ERCC8: variants seen among roughly 807,000 people sequenced by gnomAD.
ERCC8 encodes ERCC excision repair 8, CSA ubiquitin ligase complex subunit.
ERCC8 carries 52 observed loss-of-function variants against 54.9 expected under a neutral mutation model. That is an observed-to-expected ratio of 0.95 (90% confidence interval 0.76 to 1.19). ERCC8 has a LOEUF of 1.19. Ranked by LOEUF, ERCC8 falls within the 50% of genes most tolerant of loss-of-function variation. ERCC8 has a pLI of 0.00. For synonymous variants in ERCC8, 146 were observed against 157.2 expected (o/e 0.93, Z 0.53); for missense variants, 514 against 466.1 (o/e 1.10, Z -0.95).
chr5:60,889,305 A>C (rs1210381518), intron 10 of ERCC8, among the ~76,000 whole-genome samples: 1 of 152,188 alleles, frequency 6.6e-6, no homozygotes, highest in Non-Finnish European at 1.5e-5. Context: ...TCAATTTATT[A>C]ATTTACTTAC....
At chr5:60,937,131 C>G (rs970896006) in intron 1 of ERCC8, among the ~76,000 whole-genome samples, 2 of 152,226 alleles carry the variant, frequency 1.3e-5, no homozygotes, top group Admixed American at 6.5e-5. Context: ...TGTGATCTGT[C>G]TTCAGGTCTC....
At chr5:60,898,448 A>G (rs982307183) in intron 8 of ERCC8, 48 bp from the exon 9 acceptor site, 6 of 1,606,176 alleles carry the variant, frequency 3.7e-6, no homozygotes, top group Non-Finnish European at 5.1e-6. Flanking sequence ...TATTCAGGAC[A>G]TATTTAATGT....
chr5:60,899,586 A>C (rs1208709327), intron 8 of ERCC8, 41 bp downstream of exon 8: 3 of 1,437,358 alleles, frequency 2.1e-6, no homozygotes, highest in Non-Finnish European at 2.9e-6. Context: ...AATGTAAAAA[A>C]ATACTATCAT....
At chr5:60,922,798 T>C (rs1749637851) in intron 2 of ERCC8, among the ~76,000 whole-genome samples, 1 of 152,152 alleles carries the variant, frequency 6.6e-6, no homozygotes, top group African/African-American at 2.4e-5. Context: ...ATGGTTCCTG[T>C]CTTCGCAGAG....
intron 1 of ERCC8, among the ~76,000 whole-genome samples, chr5:60,930,923 A>G (rs866837449): frequency 1.3e-5 from 2 of 152,132 alleles, no homozygotes. Context: ...CCTGGCCAAC[A>G]TGGTGAAACC....
chr5:60,920,851 T>C (rs1749580572), intron 3 of ERCC8, among the ~76,000 whole-genome samples: 1 of 151,926 alleles, frequency 6.6e-6, no homozygotes. Context: ...ACTATTTTGC[T>C]ATGTAACAAA....
At chr5:60,893,637 C>T (rs1748634642) in intron 9 of ERCC8, 4 of 570,802 alleles carry the variant, frequency 7.0e-6, no homozygotes, top group South Asian at 4.2e-5. Context: ...ATACTTCCGG[C>T]GGGGATCTGA....
chr5:60,868,490 T>C lies in ERCC8; in HGVS notation c.*6125A>G, dbSNP rs1243228786. ...AACATAGTTCTTTAATTTTACCCCCTTCCTTTGAAATTTTAATTGTCTAAT... is the reference window on the plus strand; with the variant it reads ...AACATAGTTCTTTAATTTTACCCCCCTCCTTTGAAATTTTAATTGTCTAAT... On this transcript the variant is annotated 3_prime_UTR_variant, in exon 12 of 12. Transcript: ENST00000676185. 1.3e-5 allele frequency among the ~76,000 whole-genome samples: 2 copies of C among 152,158 alleles called. No individual in the cohort carries two copies. The highest frequency in any genetic ancestry group is 4.8e-5 in the African/African-American group (2 of 41,460).
At chr5:60,890,592 A>G (rs1322969341) in intron 10 of ERCC8, among the ~76,000 whole-genome samples, 3 of 152,198 alleles carry the variant, frequency 2.0e-5, no homozygotes, top group East Asian at 3.8e-4. Context: ...TACCCAAAAG[A>G]TTGTTTCAAG....
rs1747929137 is a variant in ERCC8 at position 60,874,190 on chromosome 5, G to C, written c.*425C>G. ...TGTTACCATTTCAACTACTATTTTTGATATAATCATTCTTGGCAAAATCAT... is the reference window on the plus strand; with the variant it reads ...TGTTACCATTTCAACTACTATTTTTCATATAATCATTCTTGGCAAAATCAT... On this transcript the variant is annotated 3_prime_UTR_variant, in exon 12 of 12. Coordinates refer to ENST00000676185, the MANE Select transcript of ERCC8 (RefSeq NM_000082.4). 6.4e-6 allele frequency: 1 copy of C among 155,056 alleles called. No homozygotes were observed. Among genetic ancestry groups the C allele is most frequent in the Non-Finnish European group, 1.4e-5 (1 of 70,056 alleles). 9.6% of individuals were successfully genotyped at this position (155,056 alleles called of 1,614,324 possible).
chr5:60,878,164 C>G (rs561599360), intron 11 of ERCC8, among the ~76,000 whole-genome samples: 38 of 151,102 alleles, frequency 2.5e-4, no homozygotes, highest in African/African-American at 8.9e-4. Context: ...TTTATATGCT[C>G]GATTACGTTT....
chr5:60,898,147 T>C (rs2112485696), intron 9 of ERCC8, 129 bp downstream of exon 9: 1 of 1,062,352 alleles, frequency 9.4e-7, no homozygotes, highest in Non-Finnish European at 1.4e-6. Context: ...GTCCACATAG[T>C]AGAAACACAT....
intron 8 of ERCC8, 140 bp from the exon 9 acceptor site, chr5:60,898,540 T>C: frequency 1.1e-6 from 1 of 870,494 alleles, no homozygotes; most frequent in Non-Finnish European, 1.8e-6. Flanking sequence ...AACCAACCCT[T>C]CAGATTATTT....
At chr5:60,915,072 A>G (rs1196291139) in intron 4 of ERCC8, 4 of 152,008 alleles carry the variant, frequency 2.6e-5, no homozygotes, top group Non-Finnish European at 5.9e-5. Flanking sequence ...TAAATTTTGA[A>G]ATCATGGATA....
At chr5:60,903,404 G>C in intron 6 of ERCC8, 1 of 512,234 alleles carries the variant, frequency 2.0e-6, no homozygotes, top group South Asian at 2.4e-5. Flanking sequence ...ACAAGGTTTT[G>C]AGTTAGAACT....
chr5:60,934,409 C>T (rs1431424323), intron 1 of ERCC8, among the ~76,000 whole-genome samples: 1 of 152,110 alleles, frequency 6.6e-6, no homozygotes, highest in Non-Finnish European at 1.5e-5. Flanking sequence ...TCCATGTCAG[C>T]CCACTTTTTG....
In ERCC8 at chr5:60,922,125, A is replaced by C. The variant is rs528369656; in HGVS notation, c.204T>G (p.Ile68Met). ...YMLSGGSDGV[I>M]VLYDLENSSR... Reference sequence around the variant, plus strand: ...TGGAGTTCTCAAGGTCATAAAGTACAATCACACCATCTGAACCACCTGATA... The same window carrying C: ...TGGAGTTCTCAAGGTCATAAAGTACCATCACACCATCTGAACCACCTGATA... The change falls in exon 3 of 12, where the codon ATT becomes ATG. Residue 68 changes from isoleucine to methionine, a missense_variant. Transcript: ENST00000676185. 5 of 1,610,402 alleles carry C rather than the reference A, an allele frequency of 3.1e-6. No homozygotes were observed. In the East Asian group the frequency reaches 1.1e-4, roughly 36 times the overall value.
At chr5:60,931,864 G>T (rs1459999010) in intron 1 of ERCC8, among the ~76,000 whole-genome samples, 1 of 151,902 alleles carries the variant, frequency 6.6e-6, no homozygotes, top group East Asian at 1.9e-4. Context: ...AAGAAGCATG[G>T]CTCCCAGTAA....
chr5:60,903,872 T>G (rs1748975775), intron 5 of ERCC8, among the ~76,000 whole-genome samples, 156 bp from the exon 6 acceptor site: 1 of 152,108 alleles, frequency 6.6e-6, no homozygotes, highest in Non-Finnish European at 1.5e-5. Context: ...ATGTTTACAT[T>G]TAGAAAAGTT....
Sources: gnomAD v4.1 joint callset for allele counts (sites outside exome capture counted in the v4.1 genomes callset) on GRCh38, gnomAD v4.1.1 for gene constraint, MANE v1.5 for transcripts, NCBI Gene and HGNC (gene_info 2026-07-23, HGNC 2026-07-21) for gene names.